The following CIT variants were observed in gnomAD, a reference collection of about 807,000 sequenced individuals.
CIT encodes the protein citron Rho-interacting kinase.
A neutral mutation model predicts 272.7 loss-of-function variants in CIT; 79 were observed. The observed-to-expected ratio is 0.29, with a 90% CI of 0.24 to 0.35. CIT has a LOEUF of 0.35. CIT is among the 10% of genes least tolerant of loss of function. The pLI, the probability that CIT is intolerant of heterozygous loss-of-function variation, is 1.00. For synonymous variants in CIT, 948 were observed against 995.6 expected (o/e 0.95, Z 0.90); for missense variants, 1,909 against 2,618.3 (o/e 0.73, Z 5.91).
At chr12:119,753,104 A>G (rs578129191) in intron 22 of CIT, among the ~76,000 whole-genome samples, 2 of 151,942 alleles carry the variant, frequency 1.3e-5, no homozygotes, top group African/African-American at 4.9e-5. Flanking sequence ...ACCACGACAC[A>G]TCTATTGACC....
chr12:119,763,411 T>C (rs1363714404), intron 19 of CIT, among the ~76,000 whole-genome samples: 7 of 127,958 alleles, frequency 5.5e-5, no homozygotes, highest in Non-Finnish European at 8.5e-5. Context: ...GTAGACAAGA[T>C]GAGAAGGGCG....
intron 28 of CIT, among the ~76,000 whole-genome samples, chr12:119,723,005 T>C (rs1020996019): frequency 6.6e-6 from 1 of 151,972 alleles, no homozygotes; most frequent in East Asian, 1.9e-4. Flanking sequence ...CAATGAGCTA[T>C]GATTATGCCA....
At chr12:119,746,218 T>G (rs1340227261) in intron 23 of CIT, among the ~76,000 whole-genome samples, 1 of 152,130 alleles carries the variant, frequency 6.6e-6, no homozygotes, top group Admixed American at 6.5e-5. Context: ...TCGGCAAATT[T>G]TTTCCTTAAA....
Position 119,710,999 on chromosome 12 carries a change from G to T in CIT, c.4855-379C>A. 7.4e-7 allele frequency: 1 copy of T among 1,358,308 alleles called. No individual in the cohort carries two copies. Among genetic ancestry groups the T allele is most frequent in the South Asian group, 1.1e-5 (1 of 87,832 alleles). The allele number at this position is 1,358,308 out of a possible 1,614,324, so 84.1% of individuals were successfully genotyped here. A position where few individuals can be genotyped will look rare whatever the true frequency, so the allele number is the denominator to read the frequency against. On this transcript the variant is annotated intron_variant, in intron 37 of 47. Transcript: ENST00000392521. This position sits in a 1 kb window ranked among gnomAD's most constrained non-coding sequence, Gnocchi z 5.6. ...TCCCCCATAAGGCTGCAGCAGAAGT[G>T]CAAAGGCGCCGTGTTAGCAGCGAGC...
At chr12:119,706,459 G>A (rs1281229994) in intron 40 of CIT, among the ~76,000 whole-genome samples, 1 of 151,904 alleles carries the variant, frequency 6.6e-6, no homozygotes, top group Non-Finnish European at 1.5e-5. Context: ...CCTCTGACGG[G>A]CCCCAGTGTG....
intron 13 of CIT, among the ~76,000 whole-genome samples, chr12:119,778,644 C>G (rs371248496): frequency 6.7e-6 from 1 of 148,978 alleles, no homozygotes; most frequent in East Asian, 2.0e-4. Flanking sequence ...CAGGTGACGC[C>G]CCCCCCCCAG....
Position 119,832,867 on chromosome 12 carries a change from G to T in CIT, c.660-3C>A. On this transcript the variant is annotated splice_polypyrimidine_tract_variant and splice_region_variant and intron_variant, in intron 6 of 47. Transcript: ENST00000392521. ...GAATGTTCTCAGGCTTGATGTCTCT[G>T]TAAGAAAATCAGGACCATGAATTGC... 2 of 1,611,378 alleles carry T rather than the reference G, an allele frequency of 1.2e-6. No homozygotes were observed. The highest frequency in any genetic ancestry group is 1.7e-6 in the Non-Finnish European group (2 of 1,177,604).
intron 22 of CIT, among the ~76,000 whole-genome samples, chr12:119,753,532 C>T (rs1460483861): frequency 3.9e-5 from 6 of 152,004 alleles, no homozygotes; most frequent in Middle Eastern, 3.4e-3. Context: ...GTCAGGAGTT[C>T]GAGACCAGCC....
rs993713525 is a variant in CIT, at chr12:119,697,081, G to C, written c.5882+578C>G. ...CCAGGAGTCCCTGACCTGCTCTCAC[G>C]ACCTCACATCTCTGGACCTCCAGGC... is the stretch of plus-strand genomic sequence containing the variant. On this transcript the variant is annotated intron_variant, in intron 46 of 47. Transcript: ENST00000392521. This position sits in a 1 kb window ranked among gnomAD's most constrained non-coding sequence, Gnocchi z 4.9. Among the ~76,000 whole-genome samples the C allele has an allele frequency of 6.6e-6, 1 of 152,076 alleles. No individual in the cohort carries two copies. Among genetic ancestry groups the C allele is most frequent in the Non-Finnish European group, 1.5e-5 (1 of 68,022 alleles).
chr12:119,692,277 C>A (rs946344666), intron 46 of CIT, among the ~76,000 whole-genome samples: 1 of 152,164 alleles, frequency 6.6e-6, no homozygotes, highest in Non-Finnish European at 1.5e-5. Flanking sequence ...GGCAAGACCC[C>A]GCTTCTAAAA....
intron 12 of CIT, chr12:119,782,858 C>T (rs969301421): frequency 6.5e-6 from 3 of 459,894 alleles, no homozygotes; most frequent in Non-Finnish European, 1.2e-5. Flanking sequence ...GGGATCCAGC[C>T]GGAAACTGCA....
chr12:119,833,994 T>A (rs1968825696), intron 6 of CIT, 92 bp downstream of exon 6: 2 of 1,319,482 alleles, frequency 1.5e-6, no homozygotes, highest in Non-Finnish European at 1.0e-6. Flanking sequence ...TATCTTGATC[T>A]TGAAATCACT....
In CIT at chr12:119,710,172, T is replaced by C. The variant is rs1957094167; in HGVS notation, c.5071+79A>G. 6.6e-7 allele frequency: 1 copy of C among 1,513,398 alleles called. No individual in the cohort carries two copies. Among genetic ancestry groups the C allele is most frequent in the Non-Finnish European group, 9.0e-7 (1 of 1,114,154 alleles). 93.7% of individuals were successfully genotyped at this position (1,513,398 alleles called of 1,614,324 possible). ...ACGGCTCCTCTCTACTATTTTGTGT[T>C]TTACGAGCATGAAACGTGGCTTCAA... On this transcript the variant is annotated intron_variant, in intron 39 of 47. Transcript: ENST00000392521. This position sits in a 1 kb window ranked among gnomAD's most constrained non-coding sequence, Gnocchi z 5.6.
intron 5 of CIT, among the ~76,000 whole-genome samples, chr12:119,842,388 C>CAAAAAAA (rs58634070): frequency 4.2e-5 from 3 of 71,522 alleles, no homozygotes; most frequent in East Asian, 4.1e-4. Context: ...GACTGCATCT[C>CAAAAAAA]AAAAAAAAAA....
intron 5 of CIT, among the ~76,000 whole-genome samples, chr12:119,836,284 TAAAAAAAAAAAAAA>T (rs201559880): frequency 9.5e-4 from 40 of 42,262 alleles, no homozygotes; most frequent in Admixed American, 1.5e-3. Context: ...AGACTCCATC[TAAAAAAAAAAAAAA>T]AAAAAAAAAA....
chr12:119,688,405 G>A (rs920048944), intron 47 of CIT, 150 bp from the exon 48 acceptor site: 7 of 739,386 alleles, frequency 9.5e-6, no homozygotes, highest in Middle Eastern at 3.1e-4. Context: ...CCGCTCCAGA[G>A]CCTGGGGAAG....
At chr12:119,702,016 C>T in intron 41 of CIT, 58 bp from the exon 42 acceptor site, 1 of 1,279,238 alleles carries the variant, frequency 7.8e-7, no homozygotes, top group African/African-American at 1.5e-5. Context: ...AGCCAAGGTC[C>T]ACAGCTGTTC....
At chr12:119,700,718 G>A (rs773615943) in intron 44 of CIT, 27 bp downstream of exon 44, 2 of 1,485,030 alleles carry the variant, frequency 1.3e-6, no homozygotes, top group South Asian at 1.1e-5. Context: ...TGGCAAAAGA[G>A]AAGCCCCCAC....
At chr12:119,825,097 G>C in intron 8 of CIT, 68 bp downstream of exon 8, 5 of 1,430,044 alleles carry the variant, frequency 3.5e-6, no homozygotes, top group Non-Finnish European at 4.8e-6. Context: ...ACCACGCCCA[G>C]CCTCATTCGC....
Sources: gnomAD v4.1 joint callset for allele counts (sites outside exome capture counted in the v4.1 genomes callset) on GRCh38, gnomAD v4.1.1 for gene constraint, Gnocchi (gnomAD v3.1) non-coding constraint, MANE v1.5 for transcripts, NCBI Gene and HGNC (gene_info 2026-07-23, HGNC 2026-07-21) for gene names.